The following GPAT3 variants were observed in gnomAD, a reference collection of about 807,000 sequenced individuals.
GPAT3 encodes the protein glycerol-3-phosphate acyltransferase 3, also known as 1-AGP acyltransferase 9.
In GPAT3, 53 loss-of-function variants were observed where a neutral mutation model predicts 58.8. The observed-to-expected ratio is 0.90, with a 90% CI of 0.72 to 1.13. The LOEUF is 1.13. GPAT3 is among the 50% of genes most tolerant of loss of function. The pLI is 0.00. For missense variants in GPAT3, 511 were observed against 527.6 expected (o/e 0.97, Z 0.31); for synonymous variants, 197 against 187.4 (o/e 1.05, Z -0.42).
intron 2 of GPAT3, among the ~76,000 whole-genome samples, chr4:83,554,339 C>T (rs1724872613): frequency 6.6e-6 from 1 of 152,130 alleles, no homozygotes; most frequent in Non-Finnish European, 1.5e-5. Flanking sequence ...TAGCCAGTAT[C>T]TACCACATTG....
At chr4:83,555,088 G>A (rs1208893054) in intron 2 of GPAT3, among the ~76,000 whole-genome samples, 3 of 152,200 alleles carry the variant, frequency 2.0e-5, no homozygotes, top group Admixed American at 2.0e-4. Flanking sequence ...ACAGGTGTGA[G>A]CCACTGCGCC....
chr4:83,594,390 A>C (rs928008984), intron 6 of GPAT3, among the ~76,000 whole-genome samples: 1 of 152,194 alleles, frequency 6.6e-6, no homozygotes, highest in Admixed American at 6.5e-5. Flanking sequence ...ATGAAAGATG[A>C]GTGTGTATGC....
intron 11 of GPAT3, among the ~76,000 whole-genome samples, chr4:83,599,741 A>G (rs1435609575): frequency 6.6e-6 from 1 of 152,196 alleles, no homozygotes; most frequent in Non-Finnish European, 1.5e-5. Context: ...ATATAGGTGA[A>G]TGTATTAGTC....
rs1727198490 is a variant in GPAT3, at chr4:83,604,834, T to C, written c.*67T>C. ...AAATGGAATGGCTTTTTTTGTTTTGTTTTGTTTTATTGTTTTGTTTTTATT... is the reference window on the plus strand; with the variant it reads ...AAATGGAATGGCTTTTTTTGTTTTGCTTTGTTTTATTGTTTTGTTTTTATT... On this transcript the variant is annotated 3_prime_UTR_variant, in exon 12 of 12. Transcript: ENST00000264409. 1 of 1,249,594 alleles carries C rather than the reference T, an allele frequency of 8.0e-7. No homozygotes were observed. The highest frequency in any genetic ancestry group is 2.2e-5 in the Admixed American group (1 of 45,986). 77.4% of individuals were successfully genotyped at this position (1,249,594 alleles called of 1,614,324 possible).
intron 2 of GPAT3, among the ~76,000 whole-genome samples, chr4:83,576,557 C>G (rs1377802873): frequency 6.6e-6 from 1 of 151,942 alleles, no homozygotes; most frequent in African/African-American, 2.4e-5. Context: ...GATTCTCATG[C>G]CTCAGCCTCC....
At chr4:83,551,838 A>ATCTATCTATCTATCTG (rs1560605512) in intron 2 of GPAT3, among the ~76,000 whole-genome samples, 1 of 148,202 alleles carries the variant, frequency 6.7e-6, no homozygotes, top group Non-Finnish European at 1.5e-5. Context: ...CTATCTATCT[A>ATCTATCTATCTATCTG]TCTATCTATC....
intron 2 of GPAT3, among the ~76,000 whole-genome samples, chr4:83,562,185 A>ATATATAATATATATATAT (rs1725154808): frequency 1.9e-5 from 1 of 52,022 alleles, no homozygotes; most frequent in Admixed American, 2.3e-4. Context: ...TATATTATAT[A>ATATATAATATATATATAT]TATATATATA....
intron 2 of GPAT3, among the ~76,000 whole-genome samples, chr4:83,549,475 A>G (rs5859876): frequency 0.016 from 2,344 of 142,066 alleles, 62 homozygotes; most frequent in African/African-American, 0.058. Context: ...GTGTATGTAT[A>G]TATATATGAA....
intron 5 of GPAT3, 27 bp downstream of exon 5, chr4:83,588,326 C>A: frequency 6.3e-7 from 1 of 1,593,782 alleles, no homozygotes; most frequent in South Asian, 1.1e-5. Flanking sequence ...ATGTGCCTGT[C>A]TTTTTCTAGG....
intron 3 of GPAT3, among the ~76,000 whole-genome samples, chr4:83,583,979 AAAC>A (rs940696195): frequency 1.3e-5 from 2 of 152,102 alleles, no homozygotes; most frequent in Non-Finnish European, 2.9e-5. Flanking sequence ...CAAAAAAAAT[AAAC>A]AACAACAACA....
chr4:83,550,183 T>C (rs1724702528), intron 2 of GPAT3, among the ~76,000 whole-genome samples: 2 of 151,746 alleles, frequency 1.3e-5, no homozygotes, highest in Non-Finnish European at 1.5e-5. Context: ...TTTTTCTTTT[T>C]TTTCAAATAT....
At chr4:83,540,967 G>T (rs1023896061) in intron 1 of GPAT3, among the ~76,000 whole-genome samples, 3 of 152,264 alleles carry the variant, frequency 2.0e-5, no homozygotes, top group Admixed American at 2.0e-4. Context: ...TGGGATTACA[G>T]GCATGAACCA....
Position 83,588,353 on chromosome 4 carries a change from T to C in GPAT3, c.644+54T>C. ...TTTTCTAGGTCAATTCAGCATGAGA[T>C]TGACAAGGAAGCATTGGAAGTGGTT... is the stretch of plus-strand genomic sequence containing the variant. On this transcript the variant is annotated intron_variant, in intron 5 of 11. Coordinates refer to ENST00000264409, the MANE Select transcript of GPAT3 (RefSeq NM_032717.5). The C allele has an allele frequency of 2.6e-6, 4 of 1,540,392 alleles. No individual in the cohort carries two copies. In the South Asian group the frequency reaches 3.4e-5, roughly 13 times the overall value.
intron 2 of GPAT3, among the ~76,000 whole-genome samples, chr4:83,575,440 G>A (rs770631517): frequency 2.0e-5 from 3 of 151,382 alleles, no homozygotes; most frequent in African/African-American, 4.9e-5. Flanking sequence ...TGAGAGGGAG[G>A]CTTGCTCTGT....
At chr4:83,603,790 CAAAAAA>C (rs58399873) in intron 11 of GPAT3, among the ~76,000 whole-genome samples, 3 of 120,664 alleles carry the variant, frequency 2.5e-5, no homozygotes, top group African/African-American at 1.1e-4. Context: ...AACTCTGTCT[CAAAAAA>C]AAAAAAAAAA....
At chr4:83,585,725 T>C (rs796771449) in intron 3 of GPAT3, among the ~76,000 whole-genome samples, 50 of 152,126 alleles carry the variant, frequency 3.3e-4, no homozygotes, top group African/African-American at 1.1e-3. Context: ...CGGTTCTCGT[T>C]ACAGGGATGT....
In GPAT3 at chr4:83,579,630, T is replaced by C. The variant is rs149079307; in HGVS notation, c.209-1932T>C. 1.7e-3 allele frequency among the ~76,000 whole-genome samples: 259 copies of C among 152,124 alleles called. 2 individuals carry two copies. In the Middle Eastern group the frequency reaches 0.027, roughly 16 times the overall value. On this transcript the variant is annotated intron_variant, in intron 2 of 11. Coordinates refer to ENST00000264409, the MANE Select transcript of GPAT3 (RefSeq NM_032717.5). ...TTCTTAAGGTGACTAGGTATAAACT[T>C]TGCATGTAGGACAAAAACTCCAAAA... is the stretch of plus-strand genomic sequence containing the variant.
rs1244925033 is a variant in GPAT3, at chr4:83,598,053, TA to T, written c.1001del (p.Asn334ThrfsTer17). 2 of 1,613,784 alleles carry T rather than the reference TA, an allele frequency of 1.2e-6. No homozygotes were observed. Among genetic ancestry groups the T allele is most frequent in the Non-Finnish European group, 1.7e-6 (2 of 1,179,890 alleles). On this transcript the variant is annotated frameshift_variant, in exon 10 of 12. Coordinates refer to ENST00000264409, the MANE Select transcript of GPAT3 (RefSeq NM_032717.5). LOFTEE classifies it high-confidence loss of function. ...GTIHPVAIKY[N>X]PQFGDAFWNS... ...AGATGTATTTTCTTTTTTCTCAGTA[TA>T]ACCCTCAGTTCGGTGATGCATTTTG...
intron 10 of GPAT3, 97 bp from the exon 11 acceptor site, chr4:83,598,547 G>C: frequency 9.6e-7 from 1 of 1,043,040 alleles, no homozygotes; most frequent in Non-Finnish European, 1.5e-6. Context: ...GCTGAAATAT[G>C]AATCTTATAT....
Sources: gnomAD v4.1 joint callset for allele counts (sites outside exome capture counted in the v4.1 genomes callset) on GRCh38, gnomAD v4.1.1 for gene constraint, MANE v1.5 for transcripts, NCBI Gene and HGNC (gene_info 2026-07-23, HGNC 2026-07-21) for gene names.